The following CALN1 variants were observed in gnomAD, a reference collection of about 807,000 sequenced individuals.
CALN1 encodes calneuron 1.
In CALN1, 17 loss-of-function variants were observed where a neutral mutation model predicts 30.6. That is an observed-to-expected ratio of 0.56 (90% confidence interval 0.38 to 0.83). CALN1 has a LOEUF of 0.83. CALN1 is among the 40% of genes least tolerant of loss of function. The probability of loss-of-function intolerance (pLI) is 0.00; values close to 1 mark genes in which losing one functional copy is unlikely to be tolerated. For synonymous variants in CALN1, 156 were observed against 131.4 expected (o/e 1.19, Z -1.28); for missense variants, 291 against 354.9 (o/e 0.82, Z 1.45).
intron 5 of CALN1, among the ~76,000 whole-genome samples, chr7:71,928,120 A>C (rs1013190888): frequency 3.9e-5 from 6 of 152,160 alleles, no homozygotes; most frequent in African/African-American, 1.2e-4. Context: ...TTCAATATGG[A>C]GGAGGGCTTT....
chr7:72,169,646 T>C (rs1788796991), intron 3 of CALN1, among the ~76,000 whole-genome samples: 2 of 151,962 alleles, frequency 1.3e-5, no homozygotes, highest in African/African-American at 4.8e-5. Flanking sequence ...ACCCTCATTC[T>C]CCCTCTAAGG....
At chr7:72,269,525 A>G (rs530051649) in intron 3 of CALN1, among the ~76,000 whole-genome samples, 2 of 152,208 alleles carry the variant, frequency 1.3e-5, no homozygotes, top group South Asian at 2.1e-4. Flanking sequence ...AACAAATACT[A>G]TAACTGAAGC....
chr7:71,920,972 T>C (rs1196937274), intron 5 of CALN1, among the ~76,000 whole-genome samples: 2 of 152,154 alleles, frequency 1.3e-5, no homozygotes, highest in Non-Finnish European at 1.5e-5. Flanking sequence ...CTATCAGTGA[T>C]AGACTGGATA....
chr7:72,427,692 C>G (rs927081608), intron 1 of CALN1, among the ~76,000 whole-genome samples: 2 of 150,512 alleles, frequency 1.3e-5, no homozygotes, highest in Non-Finnish European at 3.0e-5. Flanking sequence ...TTTGTAGAGA[C>G]AGAGTCTTGA....
intron 5 of CALN1, among the ~76,000 whole-genome samples, chr7:71,995,034 A>G (rs1019292884): frequency 7.2e-5 from 11 of 152,030 alleles, no homozygotes; most frequent in African/African-American, 2.4e-4. Context: ...TTATATTTTC[A>G]GTAGAGACGG....
chr7:71,870,587 C>G (rs115645805), intron 5 of CALN1, among the ~76,000 whole-genome samples: 1,980 of 151,848 alleles, frequency 0.013, 44 homozygotes, highest in African/African-American at 0.043. Flanking sequence ...TTGTTTTTTT[C>G]CCTCCTTCCA....
At chr7:72,322,818 A>G (rs921520506) in intron 2 of CALN1, among the ~76,000 whole-genome samples, 1 of 152,110 alleles carries the variant, frequency 6.6e-6, no homozygotes, top group African/African-American at 2.4e-5. Context: ...TCCCTTGTTC[A>G]TAACACAAGG....
chr7:71,969,932 C>T (rs573198440), intron 5 of CALN1, among the ~76,000 whole-genome samples: 1 of 151,976 alleles, frequency 6.6e-6, no homozygotes, highest in South Asian at 2.1e-4. Flanking sequence ...TCAAGTGATC[C>T]TCCCACCTCA....
intron 5 of CALN1, among the ~76,000 whole-genome samples, chr7:71,842,828 C>T (rs1223093113): frequency 3.3e-5 from 5 of 152,176 alleles, no homozygotes; most frequent in Non-Finnish European, 7.3e-5. Flanking sequence ...TGCCTATCTT[C>T]GGGGTTATAC....
chr7:72,215,462 C>T (rs569488412), intron 3 of CALN1, among the ~76,000 whole-genome samples: 7 of 152,044 alleles, frequency 4.6e-5, no homozygotes, highest in East Asian at 1.9e-4. Flanking sequence ...GGTATGGTGG[C>T]GCATGCCTGT....
At chr7:72,034,593 A>T (rs1192947529) in intron 4 of CALN1, among the ~76,000 whole-genome samples, 1 of 151,652 alleles carries the variant, frequency 6.6e-6, no homozygotes, top group African/African-American at 2.4e-5. Context: ...GGAGATCGAG[A>T]CCAGCCTGGC....
intron 3 of CALN1, among the ~76,000 whole-genome samples, chr7:72,249,959 A>AAAAAG (rs1554337554): frequency 1.4e-5 from 2 of 147,668 alleles, no homozygotes; most frequent in Non-Finnish European, 3.0e-5. Flanking sequence ...AAAAAAAAAA[A>AAAAAG]AGAGAGAGAG....
intron 3 of CALN1, among the ~76,000 whole-genome samples, chr7:72,269,487 A>C (rs576870367): frequency 2.8e-4 from 42 of 152,256 alleles, no homozygotes; most frequent in Admixed American, 7.9e-4. Context: ...TTAACCAGGA[A>C]GCAGCTGCTA....
chr7:72,380,538 G>A (rs1014741732), intron 2 of CALN1, among the ~76,000 whole-genome samples: 5 of 152,080 alleles, frequency 3.3e-5, no homozygotes, highest in African/African-American at 9.7e-5. Flanking sequence ...CAGGAGGATC[G>A]CTTGAGCCCA....
intron 3 of CALN1, among the ~76,000 whole-genome samples, chr7:72,195,327 A>C (rs1790908996): frequency 6.6e-6 from 1 of 152,204 alleles, no homozygotes; most frequent in South Asian, 2.1e-4. Flanking sequence ...CACATATTTA[A>C]GTGCATAACT....
chr7:72,104,849 C>G (rs748083312), intron 4 of CALN1, among the ~76,000 whole-genome samples: 1 of 152,002 alleles, frequency 6.6e-6, no homozygotes, highest in Non-Finnish European at 1.5e-5. Context: ...CCCAGCTACT[C>G]TGAAAGGCTA....
chr7:72,093,475 C>G (rs1584927091), intron 4 of CALN1, among the ~76,000 whole-genome samples: 1 of 152,142 alleles, frequency 6.6e-6, no homozygotes, highest in African/African-American at 2.4e-5. Context: ...GACCTCCTTG[C>G]CCACTGAAAA....
At chr7:72,093,138 TCA>T (rs1489396571) in intron 4 of CALN1, among the ~76,000 whole-genome samples, 1 of 152,190 alleles carries the variant, frequency 6.6e-6, no homozygotes, top group Non-Finnish European at 1.5e-5. Flanking sequence ...ATTCTTCCTC[TCA>T]CATACTAGTT....
intron 5 of CALN1, among the ~76,000 whole-genome samples, chr7:71,901,737 C>A (rs1278847778): frequency 6.6e-6 from 1 of 151,914 alleles, no homozygotes; most frequent in East Asian, 1.9e-4. Context: ...ATGAAATGAC[C>A]CTCTCTCTCA....
Sources: gnomAD v4.1 joint callset for allele counts (sites outside exome capture counted in the v4.1 genomes callset) on GRCh38, gnomAD v4.1.1 for gene constraint, MANE v1.5 for transcripts, NCBI Gene and HGNC (gene_info 2026-07-23, HGNC 2026-07-21) for gene names.